ADGRA3: variants seen among roughly 807,000 people sequenced by gnomAD.
The protein encoded by ADGRA3 is G-protein coupled receptor 125.
In ADGRA3, 56 loss-of-function variants were observed where a neutral mutation model predicts 119.8. The observed-to-expected ratio is 0.47, with a 90% CI of 0.38 to 0.58. The LOEUF is 0.58. Ranked by LOEUF, ADGRA3 falls within the 20% of genes least tolerant of loss-of-function variation. The pLI, the probability that ADGRA3 is intolerant of heterozygous loss-of-function variation, is 0.00. For missense variants in ADGRA3, 1,516 were observed against 1,649.0 expected (o/e 0.92, Z 1.40); for synonymous variants, 607 against 623.8 (o/e 0.97, Z 0.40).
intron 14 of ADGRA3, among the ~76,000 whole-genome samples, chr4:22,406,791 T>C (rs1577328186): frequency 1.3e-5 from 2 of 152,066 alleles, no homozygotes; most frequent in Admixed American, 1.3e-4. Flanking sequence ...GGCCAGATAG[T>C]AAACATTGTA....
chr4:22,401,392 C>A, intron 16 of ADGRA3, 39 bp downstream of exon 16: 2 of 1,533,762 alleles, frequency 1.3e-6, no homozygotes, highest in Non-Finnish European at 1.8e-6. Context: ...CTTCTAATAC[C>A]AGTAATTTTT....
chr4:22,399,402 T>C (rs1167244981), intron 16 of ADGRA3, among the ~76,000 whole-genome samples: 6 of 152,206 alleles, frequency 3.9e-5, no homozygotes, highest in Non-Finnish European at 2.9e-5. Context: ...CACTGTCTTA[T>C]TGGCCTTCCT....
At chr4:22,475,673 G>A (rs1029496339) in intron 1 of ADGRA3, among the ~76,000 whole-genome samples, 1 of 151,746 alleles carries the variant, frequency 6.6e-6, no homozygotes, top group South Asian at 2.1e-4. Flanking sequence ...CTTGCAGTGA[G>A]CCGAGATCGT....
intron 8 of ADGRA3, among the ~76,000 whole-genome samples, 158 bp downstream of exon 8, chr4:22,438,097 TC>T (rs1033032301): frequency 2.6e-5 from 4 of 152,218 alleles, no homozygotes; most frequent in Admixed American, 1.3e-4. Context: ...TTTGTTCATC[TC>T]CATATGTGAT....
At chr4:22,488,765 G>A (rs951265423) in intron 1 of ADGRA3, among the ~76,000 whole-genome samples, 7 of 152,012 alleles carry the variant, frequency 4.6e-5, no homozygotes, top group African/African-American at 1.7e-4. Context: ...TAAAATTTGG[G>A]GAAAACATAA....
rs761987546 is a variant in ADGRA3, at chr4:22,413,772, A to C, written c.1852T>G (p.Phe618Val). ...AGTTCTCTTTTTTGCTTTGGTGAGA[A>C]AAGGGAAGGAGGAAGCTGAATAGAA... is the stretch of plus-strand genomic sequence containing the variant. Reference protein sequence around the residue: ...EASIQLPPSLFSPKQKRELRP... With the variant: ...EASIQLPPSLVSPKQKRELRP... The change falls in exon 13 of 19, where the codon TTC becomes GTC. Residue 618 changes from phenylalanine to valine, a missense_variant. By Grantham distance (50) the Phe-to-Val change is conservative (BLOSUM62 -1). Around this residue, in one of 2 missense-constraint regions of ADGRA3, gnomAD observed 1,088 missense variants for 1,107.1 expected, o/e 0.98. Transcript: ENST00000334304. 1.6e-5 allele frequency: 26 copies of C among 1,613,918 alleles called. No homozygotes were observed. Among genetic ancestry groups the C allele is most frequent in the Non-Finnish European group, 2.0e-5 (24 of 1,179,902 alleles).
intron 11 of ADGRA3, among the ~76,000 whole-genome samples, chr4:22,422,859 G>T (rs974672629): frequency 2.6e-5 from 4 of 152,136 alleles, no homozygotes; most frequent in Non-Finnish European, 4.4e-5. Context: ...CTCAACTGAG[G>T]TCATGAATCT....
At chr4:22,414,149 G>A (rs1715336616) in intron 12 of ADGRA3, 1 of 214,250 alleles carries the variant, frequency 4.7e-6, no homozygotes, top group African/African-American at 2.3e-5. Context: ...TGATCAGGCT[G>A]TATCAATTTT....
chr4:22,431,007 G>A (rs1229903581), intron 10 of ADGRA3, among the ~76,000 whole-genome samples: 1 of 152,202 alleles, frequency 6.6e-6, no homozygotes, highest in Non-Finnish European at 1.5e-5. Context: ...GTGCACAGAA[G>A]TCAAGAACTG....
At position 22,414,114 on chromosome 4, in the gene ADGRA3, G is replaced by A; in HGVS notation, c.1810-300C>T. On this transcript the variant is annotated intron_variant, in intron 12 of 18. Coordinates refer to ENST00000334304, the MANE Select transcript of ADGRA3 (RefSeq NM_145290.4). The stretch of plus-strand genomic sequence containing the variant: ...ATGATATTATATGTTGAAGTAGATA[G>A]CATTAAACAGATCAAGGATCTCAAT... The A allele has an allele frequency of 1.2e-5, 3 of 254,806 alleles. No homozygotes were observed. In the South Asian group the frequency reaches 2.2e-4, roughly 19 times the overall value. The allele number at this position is 254,806 out of a possible 1,614,324, so 15.8% of individuals were successfully genotyped here.
intron 16 of ADGRA3, among the ~76,000 whole-genome samples, chr4:22,398,721 A>G (rs1714478108): frequency 6.6e-6 from 1 of 152,040 alleles, no homozygotes; most frequent in African/African-American, 2.4e-5. Context: ...GCTTTTCTGC[A>G]TTGCTATAAT....
chr4:22,515,388 G>C (rs902560909), intron 1 of ADGRA3, 140 bp downstream of exon 1: 220 of 993,236 alleles, frequency 2.2e-4, no homozygotes, highest in Non-Finnish European at 2.7e-4. Flanking sequence ...CCAAGCACAC[G>C]AGGTCTTTCC....
chr4:22,498,222 G>A (rs866497932), intron 1 of ADGRA3, among the ~76,000 whole-genome samples: 3 of 149,448 alleles, frequency 2.0e-5, no homozygotes, highest in Non-Finnish European at 3.0e-5. Context: ...ACTACAGCCT[G>A]GGCAACAAAA....
At chr4:22,511,393 AAC>A (rs1163117899) in intron 1 of ADGRA3, among the ~76,000 whole-genome samples, 1 of 152,166 alleles carries the variant, frequency 6.6e-6, no homozygotes, top group African/African-American at 2.4e-5. Flanking sequence ...AGACACGGGG[AAC>A]ACACAGTTAA....
At position 22,490,330 on chromosome 4, in the gene ADGRA3, G is replaced by A. The variant is rs185052473; in HGVS notation, c.258-16487C>T. 1.1e-3 allele frequency among the ~76,000 whole-genome samples: 162 copies of A among 152,246 alleles called. 1 individual carries two copies. The highest frequency in any genetic ancestry group is 1.9e-3 in the Non-Finnish European group (126 of 68,020). Reference sequence around the variant, plus strand: ...GAAAAGACAACCCATTTTTTAAGGTGTCTGTATATCAATAAAGAACACTGG... The same window carrying A: ...GAAAAGACAACCCATTTTTTAAGGTATCTGTATATCAATAAAGAACACTGG... On this transcript the variant is annotated intron_variant, in intron 1 of 18. Coordinates refer to ENST00000334304, the MANE Select transcript of ADGRA3 (RefSeq NM_145290.4).
At position 22,495,415 on chromosome 4, in the gene ADGRA3, A is replaced by G. The variant is rs996504362; in HGVS notation, c.257+20113T>C. On this transcript the variant is annotated intron_variant, in intron 1 of 18. Coordinates refer to ENST00000334304, the MANE Select transcript of ADGRA3 (RefSeq NM_145290.4). Reference sequence around the variant, plus strand: ...CCATCTCTAGAAAAAATAAATAAGTAAAACTTATGAACTATTTATTTCTGG... The same window carrying G: ...CCATCTCTAGAAAAAATAAATAAGTGAAACTTATGAACTATTTATTTCTGG... Among the ~76,000 whole-genome samples, 3 of 152,046 alleles carry G rather than the reference A, an allele frequency of 2.0e-5. No homozygotes were observed. In the East Asian group the frequency reaches 5.8e-4, roughly 29 times the overall value.
chr4:22,491,339 A>C lies in ADGRA3; in HGVS notation c.258-17496T>G, dbSNP rs1001386374. 2.0e-5 allele frequency among the ~76,000 whole-genome samples: 3 copies of C among 152,366 alleles called. No individual in the cohort carries two copies. In the East Asian group the frequency reaches 5.8e-4, roughly 29 times the overall value. On this transcript the variant is annotated intron_variant, in intron 1 of 18. Transcript: ENST00000334304. ...ATATGATGTAGGTACTTATATAATG[A>C]GAGGATACAAATAATCACACAAGTT...
At position 22,438,349 on chromosome 4, in the gene ADGRA3, C is replaced by G. The variant is rs140303157; in HGVS notation, c.992G>C (p.Gly331Ala). Reference protein sequence around the residue: ...NWGCHVQTKRGNNTRTVDIVV... With the variant: ...NWGCHVQTKRANNTRTVDIVV... ...AATATCCACAGTCCTCGTATTATTC[C>G]CACGTTTGGTCTGGACATGACAGCC... Residue 331 changes from glycine to alanine, a missense_variant, in exon 8 of 19, where the codon GGG becomes GCG. Coordinates refer to ENST00000334304, the MANE Select transcript of ADGRA3 (RefSeq NM_145290.4). The G allele has an allele frequency of 4.7e-5, 76 of 1,613,546 alleles. No homozygotes were observed. Among genetic ancestry groups the G allele is most frequent in the Non-Finnish European group, 6.3e-5 (74 of 1,179,678 alleles).
intron 14 of ADGRA3, among the ~76,000 whole-genome samples, chr4:22,412,038 AT>A (rs1199158556): frequency 6.6e-6 from 1 of 152,062 alleles, no homozygotes; most frequent in African/African-American, 2.4e-5. Flanking sequence ...GCTAAATGCT[AT>A]TTTTTTAAGA....
Sources: allele counts gnomAD v4.1 joint callset (sites outside exome capture counted in the v4.1 genomes callset), GRCh38; gene constraint gnomAD v4.1.1; regional missense constraint gnomAD v4.1.1; transcripts MANE v1.5; gene names NCBI Gene and HGNC (gene_info 2026-07-23, HGNC 2026-07-21).